NKTR: variants seen among roughly 807,000 people sequenced by gnomAD.
NKTR encodes the protein NK-tumor recognition protein.
A neutral mutation model predicts 156.3 loss-of-function variants in NKTR; 67 were observed. That is an observed-to-expected ratio of 0.43 (90% CI 0.35 to 0.53). The LOEUF (loss-of-function observed/expected upper bound fraction) is 0.53, where lower values mean the gene tolerates loss of function less well. Ranked by LOEUF, NKTR falls within the 20% of genes least tolerant of loss-of-function variation. The pLI is 0.01. For missense variants in NKTR, 1,604 were observed against 1,730.9 expected, an observed-to-expected ratio of 0.93 and a Z score of 1.30; for synonymous variants, 640 against 596.6, an observed-to-expected ratio of 1.07 and a Z score of -1.06.
chr3:42,608,785 C>T (rs1379564592), intron 2 of NKTR, among the ~76,000 whole-genome samples: 2 of 152,042 alleles, frequency 1.3e-5, no homozygotes, highest in Non-Finnish European at 2.9e-5. Flanking sequence ...TCTTTGGATG[C>T]GAATGCTAAG....
At chr3:42,611,639 A>G (rs1278976953) in intron 2 of NKTR, among the ~76,000 whole-genome samples, 1 of 151,726 alleles carries the variant, frequency 6.6e-6, no homozygotes, top group Non-Finnish European at 1.5e-5. Context: ...AGGCTGAGGC[A>G]GGAGAATTGC....
intron 6 of NKTR, chr3:42,627,150 T>TA (rs1168075132): frequency 1.1e-6 from 1 of 890,644 alleles, no homozygotes; most frequent in East Asian, 1.2e-4. Context: ...AGTCTTGTCT[T>TA]AAAAGTGTAT....
At chr3:42,617,753 G>T in intron 3 of NKTR, 109 bp downstream of exon 3, 10 of 517,510 alleles carry the variant, frequency 1.9e-5, no homozygotes, top group Non-Finnish European at 3.1e-5. Flanking sequence ...TTAGTTTTGT[G>T]AATTAAAAAA....
At chr3:42,624,245 C>T (rs1708169508) in intron 6 of NKTR, among the ~76,000 whole-genome samples, 3 of 150,988 alleles carry the variant, frequency 2.0e-5, no homozygotes, top group African/African-American at 2.4e-5. Flanking sequence ...ATTTTGCTCT[C>T]GGGGGTCTAT....
At chr3:42,632,497 G>T in intron 8 of NKTR, 104 bp from the exon 9 acceptor site, 11 of 648,510 alleles carry the variant, frequency 1.7e-5, no homozygotes, top group East Asian at 5.9e-5. Flanking sequence ...TTTTTTGTTT[G>T]CTGTATGTAA....
At chr3:42,619,270 A>G in intron 4 of NKTR, 143 bp downstream of exon 4, 13 of 1,463,068 alleles carry the variant, frequency 8.9e-6, no homozygotes, top group South Asian at 5.9e-5. Context: ...AGTGAATATT[A>G]TAGGTCCAGA....
chr3:42,601,905 A>G (rs1265079536), intron 2 of NKTR: 1 of 152,188 alleles, frequency 6.6e-6, no homozygotes, highest in Non-Finnish European at 1.5e-5. Context: ...TCTTCCTTTT[A>G]TAGTTTATAT....
At chr3:42,631,858 C>T (rs75716423) in intron 8 of NKTR, among the ~76,000 whole-genome samples, 1 of 152,122 alleles carries the variant, frequency 6.6e-6, no homozygotes, top group South Asian at 2.1e-4. Context: ...GACCTTTTTT[C>T]AGACATGCCA....
At chr3:42,624,391 T>G (rs1040740470) in intron 6 of NKTR, among the ~76,000 whole-genome samples, 5 of 152,108 alleles carry the variant, frequency 3.3e-5, no homozygotes, top group African/African-American at 1.2e-4. Context: ...TTCAAAGATT[T>G]GGGACTAAAG....
chr3:42,618,552 C>G (rs541693800), intron 3 of NKTR, among the ~76,000 whole-genome samples: 1 of 151,932 alleles, frequency 6.6e-6, no homozygotes, highest in Non-Finnish European at 1.5e-5. Flanking sequence ...TCAAGTGATT[C>G]TCCTGCCTCA....
chr3:42,640,620 G>A (rs892082265), intron 13 of NKTR, among the ~76,000 whole-genome samples: 1 of 152,098 alleles, frequency 6.6e-6, no homozygotes, highest in Non-Finnish European at 1.5e-5. Context: ...AAAAGGAACC[G>A]CCACGTGCCA....
intron 6 of NKTR, chr3:42,629,981 G>A (rs756214635): frequency 1.5e-5 from 15 of 985,292 alleles, no homozygotes; most frequent in Non-Finnish European, 1.8e-5. Context: ...CCGTGTCAGA[G>A]CTTCACCTTG....
chr3:42,619,801 T>C, intron 5 of NKTR, 93 bp downstream of exon 5: 1 of 1,550,566 alleles, frequency 6.4e-7, no homozygotes, highest in South Asian at 1.3e-5. Flanking sequence ...TTACTTATAG[T>C]TCACTTTTTG....
intron 6 of NKTR, chr3:42,627,400 T>C: frequency 1.0e-6 from 1 of 985,300 alleles, no homozygotes; most frequent in Non-Finnish European, 1.2e-6. Flanking sequence ...CTGGGAACTA[T>C]ATTTTAACTT....
intron 2 of NKTR, among the ~76,000 whole-genome samples, chr3:42,603,732 CTTTT>C (rs11315714): frequency 3.4e-5 from 4 of 116,696 alleles, no homozygotes; most frequent in East Asian, 2.5e-4. Context: ...TTTTACACAA[CTTTT>C]TTTTTTTTTT....
Position 42,642,591 on chromosome 3 carries a change from T to G in NKTR, c.4137T>G (p.Ser1379Arg). ...SRSSSYRSYK[S>R]HRTSSRSRSR... ...GCAGTTCCTACCGGAGTTACAAAAGTCACAGGTGAGCTTGTGATCTCACCC... is the reference window on the plus strand; with the variant it reads ...GCAGTTCCTACCGGAGTTACAAAAGGCACAGGTGAGCTTGTGATCTCACCC... The change falls in exon 14 of 17, where the codon AGT becomes AGG. Residue 1379 changes from serine to arginine, a missense_variant. Ser to Arg is a moderately radical substitution (Grantham distance 110, BLOSUM62 -1). Around this residue, in one of 6 missense-constraint regions of NKTR, gnomAD observed 193 missense variants for 220.2 expected, o/e 0.88. Transcript: ENST00000232978. 6.2e-7 allele frequency: 1 copy of G among 1,613,340 alleles called. No homozygotes were observed. Among genetic ancestry groups the G allele is most frequent in the Non-Finnish European group, 8.5e-7 (1 of 1,179,252 alleles).
At chr3:42,614,065 C>T (rs1045638323) in intron 2 of NKTR, among the ~76,000 whole-genome samples, 1 of 152,136 alleles carries the variant, frequency 6.6e-6, no homozygotes, top group African/African-American at 2.4e-5. Context: ...GCCTCTGCCT[C>T]CCAAAGCACT....
At chr3:42,603,650 A>C (rs1236217984) in intron 2 of NKTR, among the ~76,000 whole-genome samples, 2 of 151,936 alleles carry the variant, frequency 1.3e-5, no homozygotes, top group African/African-American at 4.8e-5. Flanking sequence ...ATCATTTGAT[A>C]GTTGGAAATT....
chr3:42,624,347 A>G (rs545128712), intron 6 of NKTR, among the ~76,000 whole-genome samples: 2 of 152,074 alleles, frequency 1.3e-5, no homozygotes, highest in East Asian at 3.9e-4. Context: ...TCACTAAAGA[A>G]ACAGTGGTTT....
Sources: gnomAD v4.1 joint callset for allele counts (sites outside exome capture counted in the v4.1 genomes callset) on GRCh38, gnomAD v4.1.1 for gene constraint, gnomAD v4.1.1 regional missense constraint, MANE v1.5 for transcripts, NCBI Gene and HGNC (gene_info 2026-07-23, HGNC 2026-07-21) for gene names.